The following MYOCD variants were observed in gnomAD, a reference collection of about 807,000 sequenced individuals.
MYOCD encodes the protein myocardin.
MYOCD carries 32 observed loss-of-function variants against 96.1 expected under a neutral mutation model. The ratio of observed to expected loss-of-function variants is 0.33; its 90% CI spans 0.25 to 0.45. The LOEUF (loss-of-function observed/expected upper bound fraction) is 0.45. MYOCD is among the 20% of genes least tolerant of loss of function. MYOCD has a pLI of 1.00. For synonymous variants in MYOCD, 469 were observed against 469.0 expected, an observed-to-expected ratio of 1.00 and a Z score of 0.00; for missense variants, 1,133 against 1,200.6, an observed-to-expected ratio of 0.94 and a Z score of 0.83.
At chr17:12,696,211 C>T (rs912978209) in intron 1 of MYOCD, among the ~76,000 whole-genome samples, 1 of 151,930 alleles carries the variant, frequency 6.6e-6, no homozygotes, top group Non-Finnish European at 1.5e-5. Flanking sequence ...ATCTCTTGAC[C>T]TCGTGGTCCG....
chr17:12,741,167 T>C (rs1459310747), intron 7 of MYOCD, among the ~76,000 whole-genome samples: 1 of 152,172 alleles, frequency 6.6e-6, no homozygotes, highest in Non-Finnish European at 1.5e-5. Flanking sequence ...ATCAATGATA[T>C]AGTAACAGTT....
At position 12,764,230 on chromosome 17, in the gene MYOCD, A is replaced by G. The variant is rs1208360888; in HGVS notation, c.*586A>G. Reference sequence around the variant, plus strand: ...AGCTAATCAACTCTCTTTTCCCTCTACCACAAAACTGCCCTGCTGGAGTGG... The same window carrying G: ...AGCTAATCAACTCTCTTTTCCCTCTGCCACAAAACTGCCCTGCTGGAGTGG... On this transcript the variant is annotated 3_prime_UTR_variant, in exon 14 of 14. Coordinates refer to ENST00000425538, the MANE Select transcript of MYOCD (RefSeq NM_001146312.3). 2 of 152,322 alleles carry G rather than the reference A, an allele frequency of 1.3e-5. No individual in the cohort carries two copies. The highest frequency in any genetic ancestry group is 2.9e-5 in the Non-Finnish European group (2 of 68,182). The allele number at this position is 152,322 out of a possible 1,614,324, so 9.4% of individuals were successfully genotyped here.
chr17:12,755,566 C>A (rs2032987969), intron 10 of MYOCD, among the ~76,000 whole-genome samples: 1 of 152,006 alleles, frequency 6.6e-6, no homozygotes, highest in Admixed American at 6.6e-5. Context: ...TATGGTGAAA[C>A]CCCATTTCTA....
chr17:12,697,564 A>T (rs981989574), intron 1 of MYOCD, among the ~76,000 whole-genome samples: 7 of 150,912 alleles, frequency 4.6e-5, no homozygotes, highest in African/African-American at 1.7e-4. Context: ...GGGTTTCTTC[A>T]CGTTAGCCAG....
chr17:12,708,937 A>C (rs746060343), intron 2 of MYOCD, among the ~76,000 whole-genome samples: 2 of 152,186 alleles, frequency 1.3e-5, no homozygotes, highest in Non-Finnish European at 2.9e-5. Context: ...ATGGCCAAAA[A>C]ATTCAGTTAG....
chr17:12,720,046 A>C (rs1004600472), intron 4 of MYOCD, among the ~76,000 whole-genome samples: 4 of 152,090 alleles, frequency 2.6e-5, no homozygotes, highest in Non-Finnish European at 5.9e-5. Flanking sequence ...CCTGGAAGCC[A>C]GGAATATTGA....
chr17:12,744,201 A>T lies in MYOCD; in HGVS notation c.736A>T (p.Ser246Cys). ...TTTGCAGTCCAAATCCTTGGGTGACAGTAAGAACCGCCACAAAAAGCCCAA... is the reference window on the plus strand; with the variant it reads ...TTTGCAGTCCAAATCCTTGGGTGACTGTAAGAACCGCCACAAAAAGCCCAA... ...AAVKSKSLGD[S>C]KNRHKKPKDP... The change falls in exon 8 of 14, where the codon AGT becomes TGT. Residue 246 changes from serine (S) to cysteine (C), a missense_variant. By Grantham distance (112) the Ser-to-Cys change is moderately radical (BLOSUM62 -1). Coordinates refer to ENST00000425538, the MANE Select transcript of MYOCD (RefSeq NM_001146312.3). 1 of 1,614,166 alleles carries T rather than the reference A, an allele frequency of 6.2e-7. No homozygotes were observed. Among genetic ancestry groups the T allele is most frequent in the Non-Finnish European group, 8.5e-7 (1 of 1,180,024 alleles).
intron 1 of MYOCD, among the ~76,000 whole-genome samples, chr17:12,685,479 G>T (rs1489483961): frequency 1.3e-5 from 2 of 152,050 alleles, no homozygotes. Flanking sequence ...GGTGGTGCAT[G>T]CCTGTAGTCC....
intron 1 of MYOCD, among the ~76,000 whole-genome samples, chr17:12,702,849 G>A (rs1056031305): frequency 1.3e-5 from 2 of 151,832 alleles, no homozygotes; most frequent in Admixed American, 1.3e-4. Flanking sequence ...TTACATCTAT[G>A]TGCTTTAAGA....
Position 12,739,323 on chromosome 17 carries a change from G to A in MYOCD, c.712G>A (p.Val238Ile), listed in dbSNP as rs1382818006. 3.1e-6 allele frequency: 5 copies of A among 1,594,674 alleles called. No homozygotes were observed. Among genetic ancestry groups the A allele is most frequent in the Non-Finnish European group, 4.3e-6 (5 of 1,172,370 alleles). The change falls in exon 7 of 14, where the codon GTA (valine) becomes ATA (isoleucine). Residue 238 changes from valine (V) to isoleucine (I), a missense_variant. By Grantham distance (29) the Val-to-Ile change is conservative. Transcript: ENST00000425538. ...CACCCCCATAGCCGTGCATGCTGCT[G>A]TAAAGGTACGGACACATCAGCCTCC... Reference protein sequence around the residue: ...PSTPIAVHAAVKSKSLGDSKN... With the variant: ...PSTPIAVHAAIKSKSLGDSKN...
At chr17:12,672,820 C>A (rs1217570418) in intron 1 of MYOCD, among the ~76,000 whole-genome samples, 1 of 152,160 alleles carries the variant, frequency 6.6e-6, no homozygotes, top group Non-Finnish European at 1.5e-5. Flanking sequence ...GTTCTCCTAG[C>A]TCTCACTTGG....
At chr17:12,735,707 G>A (rs964878115) in intron 5 of MYOCD, among the ~76,000 whole-genome samples, 3 of 152,054 alleles carry the variant, frequency 2.0e-5, no homozygotes, top group South Asian at 2.1e-4. Context: ...CGTGCTGTGC[G>A]CCCTGCTTTA....
rs957972429 is a variant in MYOCD at position 12,768,347 on chromosome 17, A to C, written c.*4703A>C. 1 of 152,242 alleles carries C rather than the reference A, an allele frequency of 6.6e-6. No individual in the cohort carries two copies. Among genetic ancestry groups the C allele is most frequent in the East Asian group, 1.9e-4 (1 of 5,194 alleles). The allele number at this position is 152,242 out of a possible 1,614,324, so 9.4% of individuals were successfully genotyped here. A position where few individuals can be genotyped will look rare whatever the true frequency, so the allele number is the denominator to read the frequency against. On this transcript the variant is annotated 3_prime_UTR_variant, in exon 14 of 14. Transcript: ENST00000425538. ...GAGATCTGGGAAGAATTTTGTTGTCATCTGCCAGGGAAATTATCACAGGAC... is the reference window on the plus strand; with the variant it reads ...GAGATCTGGGAAGAATTTTGTTGTCCTCTGCCAGGGAAATTATCACAGGAC...
chr17:12,677,882 T>C (rs113394410), intron 1 of MYOCD, among the ~76,000 whole-genome samples: 2,411 of 150,186 alleles, frequency 0.016, 75 homozygotes, highest in African/African-American at 0.056. Flanking sequence ...TATTATCATT[T>C]CTCTTTCTTT....
intron 13 of MYOCD, chr17:12,761,927 C>T (rs1465939971): frequency 6.6e-6 from 1 of 152,296 alleles, no homozygotes; most frequent in Non-Finnish European, 1.5e-5. Context: ...CCAGCCTGCC[C>T]TTGTATATTT....
chr17:12,754,359 C>T (rs1158864450), intron 10 of MYOCD, among the ~76,000 whole-genome samples: 2 of 152,214 alleles, frequency 1.3e-5, no homozygotes, highest in African/African-American at 4.8e-5. Context: ...GCCTTGGCCT[C>T]CCAAAGTGCT....
At position 12,744,305 on chromosome 17, in the gene MYOCD, A is replaced by C. The variant is rs756370021; in HGVS notation, c.840A>C (p.Pro280=). 8 of 1,614,114 alleles carry C rather than the reference A, an allele frequency of 5.0e-6. No homozygotes were observed. The highest frequency in any genetic ancestry group is 5.9e-6 in the Non-Finnish European group (7 of 1,180,024). ...PPDQKAEKSP[P]PMDSAYARLL... is the part of the protein sequence containing the mutation. ...ACCAGAAGGCAGAGAAGTCCCCTCC[A>C]CCTATGGACTCAGCCTACGCTCGGC... The change falls in exon 8 of 14, where the codon CCA becomes CCC. Residue 280 remains proline, a synonymous_variant. Transcript: ENST00000425538.
intron 5 of MYOCD, among the ~76,000 whole-genome samples, chr17:12,726,962 A>C (rs1019193434): frequency 1.1e-4 from 17 of 152,120 alleles, no homozygotes; most frequent in Non-Finnish European, 4.4e-5. Flanking sequence ...TATTACTAAA[A>C]ATTCTCACTC....
chr17:12,707,123 G>GGTTA (rs2031316900), intron 2 of MYOCD, among the ~76,000 whole-genome samples: 1 of 152,140 alleles, frequency 6.6e-6, no homozygotes, highest in Non-Finnish European at 1.5e-5. Flanking sequence ...ACCTGCTGAT[G>GGTTA]GTTAGCCTCT....
Sources: gnomAD v4.1 joint callset for allele counts (sites outside exome capture counted in the v4.1 genomes callset) on GRCh38, gnomAD v4.1.1 for gene constraint, MANE v1.5 for transcripts, NCBI Gene and HGNC (gene_info 2026-07-23, HGNC 2026-07-21) for gene names.